CCDC183: variants seen among roughly 807,000 people sequenced by gnomAD.
CCDC183 encodes coiled-coil domain containing 183.
CCDC183 carries 63 observed loss-of-function variants against 65.2 expected under a neutral mutation model. The observed-to-expected ratio is 0.97, with a 90% CI of 0.79 to 1.19. The LOEUF is 1.19. Among genes scored for constraint, CCDC183 ranks in the 50% most tolerant of loss-of-function variants. The pLI, the probability that CCDC183 is intolerant of heterozygous loss-of-function variation, is 0.00. For missense variants in CCDC183, 769 were observed against 689.3 expected (o/e 1.12, Z -1.30); for synonymous variants, 323 against 276.5 (o/e 1.17, Z -1.67).
At chr9:136,802,428 T>C (rs1847750164) in intron 5 of CCDC183, among the ~76,000 whole-genome samples, 1 of 152,186 alleles carries the variant, frequency 6.6e-6, no homozygotes, top group African/African-American at 2.4e-5. Context: ...TCACAAACTC[T>C]CTCAGTCTCT....
Position 136,804,909 on chromosome 9 carries a change from G to C in CCDC183, c.847+93G>C. On this transcript the variant is annotated intron_variant, in intron 8 of 13. Transcript: ENST00000338005. The surrounding 1 kb of genome is among the most constrained non-coding windows in gnomAD (Gnocchi z 4.1). The stretch of plus-strand genomic sequence containing the variant: ...AACGGATCAAGTCACCCTGAGGCCA[G>C]GTGTGACATGTGGTCGCCAGGGTGA... 5 of 1,113,890 alleles carry C rather than the reference G, an allele frequency of 4.5e-6. No individual in the cohort carries two copies. The highest frequency in any genetic ancestry group is 6.7e-6 in the Non-Finnish European group (5 of 745,094). The allele number at this position is 1,113,890 out of a possible 1,614,324, so 69.0% of individuals were successfully genotyped here. A position where few individuals can be genotyped will look rare whatever the true frequency, so the allele number is the denominator to read the frequency against.
chr9:136,807,190 T>G (rs1257170848), intron 13 of CCDC183, 124 bp downstream of exon 13: 1 of 845,672 alleles, frequency 1.2e-6, no homozygotes, highest in Non-Finnish European at 1.9e-6. Context: ...GTGCATCAGT[T>G]GTACCTGCAG....
chr9:136,799,892 GC>G, intron 3 of CCDC183, 102 bp downstream of exon 3: 2 of 1,468,700 alleles, frequency 1.4e-6, no homozygotes, highest in Non-Finnish European at 1.8e-6. Flanking sequence ...CAGGTGCCCA[GC>G]CCCAGGTTCC....
At position 136,806,495 on chromosome 9, in the gene CCDC183, C is replaced by T; in HGVS notation, c.1110-9C>T. 1 of 1,613,314 alleles carries T rather than the reference C, an allele frequency of 6.2e-7. No individual in the cohort carries two copies. The highest frequency in any genetic ancestry group is 8.5e-7 in the Non-Finnish European group (1 of 1,180,018). On this transcript the variant is annotated splice_polypyrimidine_tract_variant and intron_variant, in intron 10 of 13. Transcript: ENST00000338005. Reference sequence around the variant, plus strand: ...CCCCTCACTGCTGTGTCCCTATTGCCTTCTGCAGCTTCAAGTCCGTTGAGA... The same window carrying T: ...CCCCTCACTGCTGTGTCCCTATTGCTTTCTGCAGCTTCAAGTCCGTTGAGA...
chr9:136,804,709 C>A lies in CCDC183; in HGVS notation c.793-53C>A, dbSNP rs1482924358. 1.6e-5 allele frequency: 26 copies of A among 1,612,710 alleles called. No individual in the cohort carries two copies. Among genetic ancestry groups the A allele is most frequent in the Non-Finnish European group, 2.2e-5 (26 of 1,179,326 alleles). On this transcript the variant is annotated intron_variant, in intron 7 of 13. Coordinates refer to ENST00000338005, the MANE Select transcript of CCDC183 (RefSeq NM_001039374.5). This position sits in a 1 kb window ranked among gnomAD's most constrained non-coding sequence, Gnocchi z 4.1. The stretch of plus-strand genomic sequence containing the variant: ...ACAGGCTCAGGGCCACCACTCAGGG[C>A]CCACTCCCTGCCAAGGATGTCTCAT...
chr9:136,796,830 G>A (rs1021087285), intron 1 of CCDC183, among the ~76,000 whole-genome samples: 4 of 152,176 alleles, frequency 2.6e-5, no homozygotes, highest in Non-Finnish European at 4.4e-5. Context: ...GCAGAAAGCC[G>A]CAGGGACCTC....
Position 136,802,798 on chromosome 9 carries a change from G to A in CCDC183, c.666+12G>A. The A allele has an allele frequency of 1.3e-6, 2 of 1,570,320 alleles. No homozygotes were observed. Among genetic ancestry groups the A allele is most frequent in the South Asian group, 2.3e-5 (2 of 85,292 alleles). On this transcript the variant is annotated intron_variant, in intron 6 of 13. Coordinates refer to ENST00000338005, the MANE Select transcript of CCDC183 (RefSeq NM_001039374.5). The stretch of plus-strand genomic sequence containing the variant: ...CGGATGAGGTCAAGGTGAGCTCAGG[G>A]CCCAGGGCTGGGGGCCCCCCAGGGC...
Position 136,800,016 on chromosome 9 carries a change from G to A in CCDC183, c.285G>A (p.Lys95=). Reference sequence around the variant, plus strand: ...TCCCGACCCAGGTGGTGCGGGAGAAGCTGCGCAAGTACGTCTTCGACCGCG... The same window carrying A: ...TCCCGACCCAGGTGGTGCGGGAGAAACTGCGCAAGTACGTCTTCGACCGCG... The part of the protein sequence containing the change: ...CRSTMEVVRE[K]LRKYVFDRVN... The change falls in exon 4 of 14, where the codon AAG becomes AAA. Residue 95 remains lysine (K), a synonymous_variant. Transcript: ENST00000338005. 2 of 1,589,672 alleles carry A rather than the reference G, an allele frequency of 1.3e-6. No individual in the cohort carries two copies. The highest frequency in any genetic ancestry group is 1.7e-6 in the Non-Finnish European group (2 of 1,168,918).
intron 2 of CCDC183, 98 bp from the exon 3 acceptor site, chr9:136,799,615 G>T: frequency 9.7e-7 from 1 of 1,033,904 alleles, no homozygotes; most frequent in Non-Finnish European, 1.5e-6. Flanking sequence ...TACTGGGCTA[G>T]CGTGGGATAC....
At position 136,806,837 on chromosome 9, in the gene CCDC183, C is replaced by T. The variant is rs1338657534; in HGVS notation, c.1359C>T (p.Asp453=). 1 of 1,613,578 alleles carries T rather than the reference C, an allele frequency of 6.2e-7. No individual in the cohort carries two copies. The highest frequency in any genetic ancestry group is 8.5e-7 in the Non-Finnish European group (1 of 1,180,016). ...YCEGKLTYLA[D]RVQMVSRTEE... ...AGGGGAAGCTCACGTACCTGGCTGA[C>T]AGAGTGCAGATGGTGTCCAGGACCG... Residue 453 remains aspartate, a synonymous_variant, in exon 12 of 14, where the codon GAC becomes GAT. Coordinates refer to ENST00000338005, the MANE Select transcript of CCDC183 (RefSeq NM_001039374.5).
At position 136,805,424 on chromosome 9, in the gene CCDC183, G is replaced by A. The variant is rs2131138474; in HGVS notation, c.915G>A (p.Lys305=). Residue 305 remains lysine, a synonymous_variant, in exon 9 of 14, where the codon AAG becomes AAA. Coordinates refer to ENST00000338005, the MANE Select transcript of CCDC183 (RefSeq NM_001039374.5). ...CGGGCGTGACTGCTGTGGTGGAGAAGGTCAAGAGTGCTGTACGGTGCTCTC... is the reference window on the plus strand; with the variant it reads ...CGGGCGTGACTGCTGTGGTGGAGAAAGTCAAGAGTGCTGTACGGTGCTCTC... ...YQSGVTAVVE[K]VKSAVRCSHV... 1 of 1,614,100 alleles carries A rather than the reference G, an allele frequency of 6.2e-7. No homozygotes were observed. The highest frequency in any genetic ancestry group is 8.5e-7 in the Non-Finnish European group (1 of 1,180,002).
intron 6 of CCDC183, chr9:136,803,931 C>T (rs1847795179): frequency 1.3e-5 from 2 of 157,992 alleles, no homozygotes; most frequent in Admixed American, 1.2e-4. Context: ...GTCTGTGCTT[C>T]AGAAAGGGTG....
chr9:136,807,104 G>A, intron 13 of CCDC183, 38 bp downstream of exon 13: 9 of 1,602,618 alleles, frequency 5.6e-6, no homozygotes, highest in Non-Finnish European at 7.7e-6. Flanking sequence ...CTGCAGGCGG[G>A]TGGCTGGAAC....
chr9:136,796,425 G>A lies in CCDC183; in HGVS notation c.28G>A (p.Glu10Lys). 6.3e-7 allele frequency: 1 copy of A among 1,584,404 alleles called. No individual in the cohort carries two copies. The highest frequency in any genetic ancestry group is 2.3e-5 in the East Asian group (1 of 43,970). The change falls in exon 1 of 14, where the codon GAA becomes AAA. Residue 10 changes from glutamate (E) to lysine (K), a missense_variant. Coordinates refer to ENST00000338005, the MANE Select transcript of CCDC183 (RefSeq NM_001039374.5). MRRHSETDV[E>K]EQTQELKTIT... ...GAGGAGGCACAGTGAGACAGATGTG[G>A]AAGAGCAGACCCAGGAGCTGAAGAC...
intron 3 of CCDC183, 65 bp from the exon 4 acceptor site, chr9:136,799,937 C>A: frequency 6.5e-7 from 1 of 1,540,334 alleles, no homozygotes; most frequent in Non-Finnish European, 8.8e-7. Context: ...ACCCGCCCGC[C>A]TGCTGGCGGG....
intron 1 of CCDC183, among the ~76,000 whole-genome samples, chr9:136,798,131 G>A (rs1483205044): frequency 6.6e-6 from 1 of 151,606 alleles, no homozygotes; most frequent in East Asian, 1.9e-4. Flanking sequence ...TCAGCCTCCC[G>A]AGTAGCTGGG....
chr9:136,807,062 G>T lies in CCDC183; in HGVS notation c.1482G>T (p.Met494Ile). The T allele has an allele frequency of 6.2e-7, 1 of 1,613,018 alleles. No individual in the cohort carries two copies. Among genetic ancestry groups the T allele is most frequent in the South Asian group, 1.1e-5 (1 of 91,028 alleles). Residue 494 changes from methionine to isoleucine, a missense_variant, in exon 13 of 14, where the codon ATG (methionine) becomes ATT (isoleucine). Transcript: ENST00000338005. Reference sequence around the variant, plus strand: ...GCTTTGAGAACCGGGAGGAGGATATGATCGGTACAGGCCCCGGAACTGGGG... The same window carrying T: ...GCTTTGAGAACCGGGAGGAGGATATTATCGGTACAGGCCCCGGAACTGGGG... ...RISFENREED[M>I]IDTFQFPDMD...
chr9:136,800,300 G>C, intron 4 of CCDC183, 89 bp from the exon 5 acceptor site: 1 of 1,462,310 alleles, frequency 6.8e-7, no homozygotes, highest in Non-Finnish European at 9.3e-7. Flanking sequence ...GGCTAAGAGA[G>C]CACGACCCTC....
chr9:136,803,994 G>C (rs1190416120), intron 6 of CCDC183: 1 of 166,894 alleles, frequency 6.0e-6, no homozygotes, highest in Non-Finnish European at 1.3e-5. Context: ...TGATCACCTG[G>C]GTATACCCGG....
Sources: gnomAD v4.1 joint callset for allele counts (sites outside exome capture counted in the v4.1 genomes callset) on GRCh38, gnomAD v4.1.1 for gene constraint, Gnocchi (gnomAD v3.1) non-coding constraint, MANE v1.5 for transcripts, NCBI Gene and HGNC (gene_info 2026-07-23, HGNC 2026-07-21) for gene names.